Variants in TSHZ2 observed in about 807,000 individuals in gnomAD.
TSHZ2 encodes teashirt homolog 2.
Under a neutral mutation model 74.4 loss-of-function variants are expected in TSHZ2, and 21 were observed. That is an observed-to-expected ratio of 0.28 (90% CI 0.20 to 0.41). The LOEUF is 0.41. Among genes scored for constraint, TSHZ2 ranks in the 10% least tolerant of loss-of-function variants. The pLI is 1.00. For missense variants in TSHZ2, 1,244 were observed against 1,293.5 expected (o/e 0.96, Z 0.59); for synonymous variants, 540 against 515.3 (o/e 1.05, Z -0.65).
At chr20:53,473,377 G>T (rs182905105) in intron 2 of TSHZ2, among the ~76,000 whole-genome samples, 6,030 of 126,128 alleles carry the variant, frequency 0.048, 282 homozygotes, top group East Asian at 0.15. Context: ...TAACTGGCAG[G>T]CACCCCCCAG....
chr20:53,104,290 C>G (rs895987810), intron 1 of TSHZ2, among the ~76,000 whole-genome samples: 1 of 151,996 alleles, frequency 6.6e-6, no homozygotes, highest in African/African-American at 2.4e-5. Flanking sequence ...CCACAGACAC[C>G]GGAAGACCTG....
chr20:53,240,718 AGAT>A lies in TSHZ2; in HGVS notation c.41-12777_41-12775del, dbSNP rs375859246. 1.1e-3 allele frequency among the ~76,000 whole-genome samples: 142 copies of A among 132,572 alleles called. 1 individual carries two copies. The highest frequency in any genetic ancestry group is 8.2e-4 in the Non-Finnish European group (51 of 62,550). 87.0% of individuals were successfully genotyped at this position (132,572 alleles called of 152,430 possible). A position where few individuals can be genotyped will look rare whatever the true frequency, so the allele number is the denominator to read the frequency against. ...CGACTGTGCATTAAAATAGATAGAT[AGAT>A]GATAGATAGATAGATAGATAGATAG... On this transcript the variant is annotated intron_variant, in intron 1 of 2. Transcript: ENST00000371497.
At chr20:53,235,957 A>C (rs761066557) in intron 1 of TSHZ2, among the ~76,000 whole-genome samples, 46 of 152,380 alleles carry the variant, frequency 3.0e-4, no homozygotes, top group Non-Finnish European at 5.4e-4. Flanking sequence ...TGAGAACGTC[A>C]CATTGATGCA....
At chr20:53,336,306 G>A (rs78568178) in intron 2 of TSHZ2, among the ~76,000 whole-genome samples, 1,567 of 152,212 alleles carry the variant, frequency 0.01, 22 homozygotes, top group African/African-American at 0.034. Flanking sequence ...ATAGCTTCAC[G>A]CCCAGGGAAA....
At chr20:53,281,333 T>A (rs1991057046) in intron 2 of TSHZ2, among the ~76,000 whole-genome samples, 1 of 152,158 alleles carries the variant, frequency 6.6e-6, no homozygotes, top group Non-Finnish European at 1.5e-5. Context: ...TGCAAAGTTC[T>A]TGAGGTCAAA....
intron 1 of TSHZ2, among the ~76,000 whole-genome samples, chr20:53,140,441 G>C (rs1405008387): frequency 6.6e-6 from 1 of 150,816 alleles, no homozygotes; most frequent in Non-Finnish European, 1.5e-5. Context: ...TCAGGAGGCT[G>C]AGGCAGGAGA....
At chr20:53,087,487 CA>C (rs1205037385) in intron 1 of TSHZ2, among the ~76,000 whole-genome samples, 1 of 152,212 alleles carries the variant, frequency 6.6e-6, no homozygotes, top group African/African-American at 2.4e-5. Flanking sequence ...TGCAAGCCCC[CA>C]GTCTTCACTT....
intron 2 of TSHZ2, among the ~76,000 whole-genome samples, chr20:53,305,058 C>T (rs529085044): frequency 6.6e-6 from 1 of 152,112 alleles, no homozygotes; most frequent in South Asian, 2.1e-4. Context: ...GCCTCAGCCT[C>T]CCAAGTAGCT....
intron 1 of TSHZ2, among the ~76,000 whole-genome samples, chr20:53,098,427 C>A (rs951655170): frequency 1.3e-5 from 2 of 152,152 alleles, no homozygotes; most frequent in Admixed American, 1.3e-4. Context: ...TTTGTTCATT[C>A]TTTATTCATT....
At chr20:53,434,679 G>A (rs1012364636) in intron 2 of TSHZ2, among the ~76,000 whole-genome samples, 2 of 152,196 alleles carry the variant, frequency 1.3e-5, no homozygotes, top group African/African-American at 4.8e-5. Context: ...CAGAACTTAG[G>A]AAGTCTGGAG....
chr20:53,175,983 A>C (rs1988328087), intron 1 of TSHZ2, among the ~76,000 whole-genome samples: 1 of 152,212 alleles, frequency 6.6e-6, no homozygotes, highest in African/African-American at 2.4e-5. Flanking sequence ...AAACAACGTA[A>C]TTTCAGATCA....
intron 2 of TSHZ2, among the ~76,000 whole-genome samples, chr20:53,273,202 T>C (rs1271445612): frequency 1.3e-5 from 2 of 152,252 alleles, no homozygotes; most frequent in Non-Finnish European, 2.9e-5. Flanking sequence ...CCATGCTAAC[T>C]GGGTGGGGAA....
intron 2 of TSHZ2, among the ~76,000 whole-genome samples, chr20:53,298,050 C>G (rs921541901): frequency 6.6e-6 from 1 of 152,178 alleles, no homozygotes; most frequent in Non-Finnish European, 1.5e-5. Context: ...CAACTTCTTT[C>G]GGTCACCTAC....
chr20:53,137,808 C>A (rs922718073), intron 1 of TSHZ2, among the ~76,000 whole-genome samples: 4 of 152,082 alleles, frequency 2.6e-5, no homozygotes, highest in African/African-American at 9.7e-5. Flanking sequence ...CTACAGATCC[C>A]AGGGCTCCAA....
chr20:52,987,969 T>C (rs140920788), intron 1 of TSHZ2, among the ~76,000 whole-genome samples: 18 of 152,310 alleles, frequency 1.2e-4, no homozygotes, highest in African/African-American at 4.3e-4. Context: ...TCTACTTTCT[T>C]GTTATCTGTT....
At chr20:53,304,112 A>C (rs1194710151) in intron 2 of TSHZ2, among the ~76,000 whole-genome samples, 2 of 151,590 alleles carry the variant, frequency 1.3e-5, no homozygotes, top group Non-Finnish European at 2.9e-5. Context: ...ATATGTATAC[A>C]TGTGCCATGC....
chr20:53,130,971 ATAT>A (rs1349122221), intron 1 of TSHZ2, among the ~76,000 whole-genome samples: 1 of 152,242 alleles, frequency 6.6e-6, no homozygotes, highest in African/African-American at 2.4e-5. Context: ...AATCAGAAAT[ATAT>A]TATTAAGCCT....
intron 2 of TSHZ2, among the ~76,000 whole-genome samples, chr20:53,285,200 T>C (rs1251649842): frequency 6.6e-6 from 1 of 152,130 alleles, no homozygotes; most frequent in Admixed American, 6.5e-5. Flanking sequence ...TTAAATGTCC[T>C]TTTGCGTTGA....
intron 1 of TSHZ2, among the ~76,000 whole-genome samples, chr20:52,978,528 T>A (rs992937469): frequency 6.6e-6 from 1 of 152,144 alleles, no homozygotes; most frequent in Admixed American, 6.5e-5. Flanking sequence ...ACACAGAAAT[T>A]GCCGAACAAA....
Sources: gnomAD v4.1 joint callset for allele counts (sites outside exome capture counted in the v4.1 genomes callset) on GRCh38, gnomAD v4.1.1 for gene constraint, MANE v1.5 for transcripts, NCBI Gene and HGNC (gene_info 2026-07-23, HGNC 2026-07-21) for gene names.